Variants in GTF2IRD1 observed in about 807,000 individuals in gnomAD.
GTF2IRD1 encodes the protein GTF2I repeat domain containing 1.
GTF2IRD1 carries 26 observed loss-of-function variants against 113.2 expected under a neutral mutation model. That is an observed-to-expected ratio of 0.23 (90% CI 0.17 to 0.32). GTF2IRD1 has a LOEUF of 0.32. Ranked by LOEUF, GTF2IRD1 falls within the 10% of genes least tolerant of loss-of-function variation. GTF2IRD1 has a pLI of 1.00. For missense variants in GTF2IRD1, 864 were observed against 1,280.8 expected (o/e 0.67, Z 4.97); for synonymous variants, 484 against 529.1 (o/e 0.91, Z 1.17).
chr7:74,567,671 T>C (rs1251389342), intron 22 of GTF2IRD1, among the ~76,000 whole-genome samples: 47 of 152,146 alleles, frequency 3.1e-4, no homozygotes, highest in East Asian at 2.9e-3. Context: ...AGAAGTAGCT[T>C]GCTCTCCTCT....
In GTF2IRD1 at chr7:74,514,481, G is replaced by A. The variant is rs587642608; in HGVS notation, c.266-960G>A. On this transcript the variant is annotated intron_variant, in intron 3 of 26. Coordinates refer to ENST00000424337, the MANE Select transcript of GTF2IRD1 (RefSeq NM_005685.4). Reference sequence around the variant, plus strand: ...CCGCTATTTATAGCACCAGGAACTCGGCTGGTTTATTTCAAGCTCCGCAGA... The same window carrying A: ...CCGCTATTTATAGCACCAGGAACTCAGCTGGTTTATTTCAAGCTCCGCAGA... 1.2e-4 allele frequency among the ~76,000 whole-genome samples: 18 copies of A among 152,296 alleles called. No homozygotes were observed. In the South Asian group the frequency reaches 3.1e-3, roughly 26 times the overall value.
At chr7:74,569,475 G>C (rs1463618257) in intron 22 of GTF2IRD1, among the ~76,000 whole-genome samples, 1 of 152,224 alleles carries the variant, frequency 6.6e-6, no homozygotes, top group Non-Finnish European at 1.5e-5. Flanking sequence ...TGCAGTGAGG[G>C]GGGGATGGAG....
At chr7:74,503,251 T>C (rs1796128895) in intron 1 of GTF2IRD1, among the ~76,000 whole-genome samples, 1 of 151,992 alleles carries the variant, frequency 6.6e-6, no homozygotes, top group African/African-American at 2.4e-5. Flanking sequence ...GCCCGGGCAC[T>C]GAACAGCAGG....
chr7:74,549,905 A>G (rs7793359), intron 17 of GTF2IRD1, among the ~76,000 whole-genome samples: 56,173 of 151,970 alleles, frequency 0.37, 12,138 homozygotes, highest in African/African-American at 0.6. Flanking sequence ...GCGTGGTAGC[A>G]GGTGCCTGTA....
intron 9 of GTF2IRD1, among the ~76,000 whole-genome samples, chr7:74,531,322 G>C (rs1424783935): frequency 6.6e-6 from 1 of 152,166 alleles, no homozygotes; most frequent in African/African-American, 2.4e-5. Context: ...AGTGAGCCAA[G>C]ATGGCACAAC....
In GTF2IRD1 at chr7:74,505,256, C is replaced by T. The variant is rs533269471; in HGVS notation, c.-6-2819C>T. 1.2e-4 allele frequency among the ~76,000 whole-genome samples: 18 copies of T among 152,316 alleles called. 1 individual carries two copies. In the South Asian group the frequency reaches 2.5e-3, roughly 21 times the overall value. On this transcript the variant is annotated intron_variant, in intron 1 of 26. Transcript: ENST00000424337. ...AAATCTCGGGCTTTCAGGACTCACCCGAGGTGCTCCTAGCAGACGTGGGCC... is the reference window on the plus strand; with the variant it reads ...AAATCTCGGGCTTTCAGGACTCACCTGAGGTGCTCCTAGCAGACGTGGGCC...
chr7:74,503,680 C>T (rs1248899693), intron 1 of GTF2IRD1, among the ~76,000 whole-genome samples: 4 of 148,660 alleles, frequency 2.7e-5, no homozygotes, highest in South Asian at 2.2e-4. Context: ...ACATGGGAGG[C>T]GGAGGCCGCA....
At chr7:74,589,116 G>A (rs781822619) in intron 22 of GTF2IRD1, among the ~76,000 whole-genome samples, 3 of 152,144 alleles carry the variant, frequency 2.0e-5, no homozygotes, top group African/African-American at 4.8e-5. Context: ...TGAACTTTGG[G>A]AGGGCAAAGC....
intron 1 of GTF2IRD1, among the ~76,000 whole-genome samples, chr7:74,471,150 C>T (rs1794058220): frequency 6.6e-6 from 1 of 152,130 alleles, no homozygotes; most frequent in Non-Finnish European, 1.5e-5. Context: ...GGATTAGGGA[C>T]AGGGTTTGCC....
intron 1 of GTF2IRD1, among the ~76,000 whole-genome samples, chr7:74,504,800 G>A (rs1034815522): frequency 3.3e-5 from 5 of 150,018 alleles, no homozygotes; most frequent in South Asian, 4.2e-4. Flanking sequence ...CTCCACCGCC[G>A]GGGTTCCAGC....
intron 21 of GTF2IRD1, among the ~76,000 whole-genome samples, chr7:74,559,416 C>A (rs1338794777): frequency 6.6e-6 from 1 of 152,266 alleles, no homozygotes; most frequent in Non-Finnish European, 1.5e-5. Context: ...AGGTCTGCGT[C>A]CTGCAGAGTG....
At chr7:74,510,493 G>A (rs1411299259) in intron 2 of GTF2IRD1, among the ~76,000 whole-genome samples, 1 of 151,626 alleles carries the variant, frequency 6.6e-6, no homozygotes, top group South Asian at 2.1e-4. Flanking sequence ...ATTTTTAGTA[G>A]AGACGGGGTT....
intron 22 of GTF2IRD1, among the ~76,000 whole-genome samples, chr7:74,577,369 T>A (rs1486022708): frequency 6.6e-6 from 1 of 152,092 alleles, no homozygotes; most frequent in Non-Finnish European, 1.5e-5. Flanking sequence ...TATTGCCAAT[T>A]TTCCCTGCTT....
At position 74,547,064 on chromosome 7, in the gene GTF2IRD1, G is replaced by A. The variant is rs192540250; in HGVS notation, c.1733-39G>A. 7,480 of 1,587,704 alleles carry A rather than the reference G, an allele frequency of 4.7e-3. 25 individuals are homozygous for A. Among genetic ancestry groups the A allele is most frequent in the Non-Finnish European group, 6.1e-3 (7,028 of 1,161,644 alleles). The stretch of plus-strand genomic sequence containing the variant: ...CACAGGGGTTGAGGCTCCTGGCCCT[G>A]TGGCACCGGGTGGCCCTACAGCAGC... On this transcript the variant is annotated intron_variant, in intron 16 of 26. Coordinates refer to ENST00000424337, the MANE Select transcript of GTF2IRD1 (RefSeq NM_005685.4).
Position 74,602,404 on chromosome 7 carries a change from G to A in GTF2IRD1, c.2806G>A (p.Val936Met), listed in dbSNP as rs782544540. ...MYMVDYAGLNVQLPGPLNY is the reference protein window; with the variant it reads ...MYMVDYAGLNMQLPGPLNY ...CATGGTGGACTATGCCGGCCTGAAC[G>A]TGCAGCTCCCGGGACCTCTTAATTA... Residue 936 changes from valine (V) to methionine (M), a missense_variant, in exon 27 of 27, where the codon GTG (valine) becomes ATG (methionine). Physicochemically the swap from Val to Met is conservative, Grantham distance 21. This residue lies in a region of GTF2IRD1 where 18 missense variants were observed against 35.7 expected (regional missense o/e 0.50). Coordinates refer to ENST00000424337, the MANE Select transcript of GTF2IRD1 (RefSeq NM_005685.4). 6.2e-6 allele frequency: 10 copies of A among 1,613,544 alleles called. No homozygotes were observed. Among genetic ancestry groups the A allele is most frequent in the East Asian group, 2.2e-5 (1 of 44,884 alleles).
At chr7:74,568,967 C>T (rs1314507272) in intron 22 of GTF2IRD1, among the ~76,000 whole-genome samples, 1 of 152,286 alleles carries the variant, frequency 6.6e-6, no homozygotes, top group Admixed American at 6.5e-5. Context: ...TTGGATGACG[C>T]ATCTGTGCCT....
At chr7:74,471,779 G>C (rs1490180485) in intron 1 of GTF2IRD1, among the ~76,000 whole-genome samples, 1 of 151,718 alleles carries the variant, frequency 6.6e-6, no homozygotes, top group Non-Finnish European at 1.5e-5. Context: ...AGATCATGAG[G>C]TCAGGAGATT....
At chr7:74,459,031 C>T (rs566850680) in intron 1 of GTF2IRD1, among the ~76,000 whole-genome samples, 29 of 152,256 alleles carry the variant, frequency 1.9e-4, no homozygotes, top group African/African-American at 5.3e-4. Flanking sequence ...GATCCATTCT[C>T]GGTCCCATTC....
intron 1 of GTF2IRD1, among the ~76,000 whole-genome samples, chr7:74,475,836 G>A (rs937268315): frequency 3.3e-5 from 5 of 152,336 alleles, no homozygotes; most frequent in Middle Eastern, 3.4e-3. Context: ...GTAGTCACCC[G>A]CCGGGGTGAC....
Sources: allele counts gnomAD v4.1 joint callset (sites outside exome capture counted in the v4.1 genomes callset), GRCh38; gene constraint gnomAD v4.1.1; regional missense constraint gnomAD v4.1.1; transcripts MANE v1.5; gene names NCBI Gene and HGNC (gene_info 2026-07-23, HGNC 2026-07-21).